Variants in ZNF30 observed in about 807,000 individuals in gnomAD.
ZNF30 encodes zinc finger protein 30 (KOX 28).
ZNF30 carries 15 observed loss-of-function variants against 13.2 expected under a neutral mutation model. The ratio of observed to expected loss-of-function variants is 1.13; its 90% CI spans 0.76 to 1.75. ZNF30 has a LOEUF of 1.75. ZNF30 is among the 40% of genes most tolerant of loss of function. The probability of loss-of-function intolerance (pLI) is 0.00; values close to 1 mark genes in which losing one functional copy is unlikely to be tolerated. For missense variants in ZNF30, 726 were observed against 757.0 expected, an observed-to-expected ratio of 0.96 and a Z score of 0.48; for synonymous variants, 223 against 256.6, an observed-to-expected ratio of 0.87 and a Z score of 1.25.
intron 4 of ZNF30, among the ~76,000 whole-genome samples, chr19:34,939,128 TCCCCTC>T (rs2012894034): frequency 1.5e-5 from 1 of 67,384 alleles, no homozygotes; most frequent in East Asian, 4.6e-4. Flanking sequence ...TTGTCTCCCC[TCCCCTC>T]CCCTCCCCTC....
Position 34,944,745 on chromosome 19 carries a change from G to T in ZNF30, c.1779G>T (p.Glu593Asp). The T allele has an allele frequency of 6.2e-7, 1 of 1,613,904 alleles. No homozygotes were observed. Among genetic ancestry groups the T allele is most frequent in the Non-Finnish European group, 8.5e-7 (1 of 1,179,864 alleles). ...LTEHQRVHTG[E>D]KPFKCKKCGK... The stretch of plus-strand genomic sequence containing the variant: ...AACATCAGCGGGTACACACTGGTGA[G>T]AAACCCTTTAAATGCAAAAAATGTG... The change falls in exon 5 of 5, where the codon GAG becomes GAT. Residue 593 changes from glutamate to aspartate, a missense_variant. Physicochemically the swap from Glu to Asp is conservative, Grantham distance 45. Coordinates refer to ENST00000601142, the MANE Select transcript of ZNF30 (RefSeq NM_194325.3).
intron 2 of ZNF30, among the ~76,000 whole-genome samples, chr19:34,930,944 T>C (rs1454627026): frequency 6.6e-6 from 1 of 152,072 alleles, no homozygotes; most frequent in Non-Finnish European, 1.5e-5. Flanking sequence ...TTATCAGTAG[T>C]AGATGAACAG....
rs774425863 is a variant in ZNF30 at position 34,929,955 on chromosome 19, A to T, written c.8A>T (p.His3Leu). 2.5e-6 allele frequency: 4 copies of T among 1,607,254 alleles called. No homozygotes were observed. Among genetic ancestry groups the T allele is most frequent in the Non-Finnish European group, 3.4e-6 (4 of 1,176,444 alleles). Reference sequence around the variant, plus strand: ...TCTTACAATTCTCAAAGCATGGCCCATGTAAGTTGGTGTTTCTTCTTGAAA... The same window carrying T: ...TCTTACAATTCTCAAAGCATGGCCCTTGTAAGTTGGTGTTTCTTCTTGAAA... The part of the protein sequence containing the change: MA[H>L]KYVGLQYHGS... The change falls in exon 2 of 5, where the codon CAT (histidine) becomes CTT (leucine). Residue 3 changes from histidine (H) to leucine (L), a missense_variant and splice_region_variant. Transcript: ENST00000601142.
chr19:34,929,110 G>A (rs1165212280), intron 1 of ZNF30, among the ~76,000 whole-genome samples: 2 of 152,132 alleles, frequency 1.3e-5, no homozygotes, highest in African/African-American at 2.4e-5. Context: ...GTGAAATTCC[G>A]TCTCTACTAA....
rs1290505474 is a variant in ZNF30, at chr19:34,944,522, A to G, written c.1556A>G (p.Lys519Arg). The change falls in exon 5 of 5, where the codon AAG becomes AGG. Residue 519 changes from lysine (K) to arginine (R), a missense_variant. Coordinates refer to ENST00000601142, the MANE Select transcript of ZNF30 (RefSeq NM_194325.3). The stretch of plus-strand genomic sequence containing the variant: ...CCCTATGAGTGTAAGGAGTGTGGCA[A>G]GGCCTTCAGTTCTGGCTCATACCTT... ...KKPYECKECGKAFSSGSYLVQ... is the reference protein window; with the variant it reads ...KKPYECKECGRAFSSGSYLVQ... The G allele has an allele frequency of 3.7e-6, 6 of 1,614,002 alleles. No homozygotes were observed. In the African/African-American group the frequency reaches 5.3e-5, roughly 14 times the overall value.
chr19:34,930,420 A>G (rs1176734303), intron 2 of ZNF30, among the ~76,000 whole-genome samples: 1 of 152,210 alleles, frequency 6.6e-6, no homozygotes, highest in Non-Finnish European at 1.5e-5. Flanking sequence ...GGATGTGATT[A>G]TGATGTGAAA....
At chr19:34,931,782 A>G (rs778477327) in intron 2 of ZNF30, 61 bp from the exon 3 acceptor site, 40 of 1,541,528 alleles carry the variant, frequency 2.6e-5, no homozygotes, top group Non-Finnish European at 3.5e-5. Flanking sequence ...CTCCCTTACT[A>G]CACTGAAACG....
chr19:34,939,133 TC>T (rs2012895330), intron 4 of ZNF30, among the ~76,000 whole-genome samples: 2 of 34,596 alleles, frequency 5.8e-5, no homozygotes, highest in Non-Finnish European at 1.0e-4. Flanking sequence ...TCCCCTCCCC[TC>T]CCCTCCCCTC....
At chr19:34,935,587 C>A (rs2012687518) in intron 4 of ZNF30, among the ~76,000 whole-genome samples, 1 of 152,090 alleles carries the variant, frequency 6.6e-6, no homozygotes, top group African/African-American at 2.4e-5. Context: ...CCTTTTCCTG[C>A]ACAGATGCCT....
chr19:34,943,504 A>G lies in ZNF30; in HGVS notation c.538A>G (p.Lys180Glu). The G allele has an allele frequency of 6.2e-7, 1 of 1,613,764 alleles. No individual in the cohort carries two copies. Among genetic ancestry groups the G allele is most frequent in the Non-Finnish European group, 8.5e-7 (1 of 1,179,788 alleles). ...TGGTGAGAAACCCTATAAATATGAA[A>G]AATGTGGGAAGGCCTTTATCAGTGG... is the stretch of plus-strand genomic sequence containing the variant. ...HVGEKPYKYE[K>E]CGKAFISGSA... is the part of the protein sequence containing the mutation. The change falls in exon 5 of 5, where the codon AAA becomes GAA. Residue 180 changes from lysine to glutamate, a missense_variant. By Grantham distance (56) the Lys-to-Glu change is moderately conservative (BLOSUM62 1). Transcript: ENST00000601142.
chr19:34,931,020 C>CT (rs905392469), intron 2 of ZNF30, among the ~76,000 whole-genome samples: 28 of 144,532 alleles, frequency 1.9e-4, no homozygotes, highest in African/African-American at 5.6e-4. Context: ...AAAATCATTA[C>CT]TTTTTTTTTT....
Position 34,928,220 on chromosome 19 carries a change from A to AATATAT in ZNF30, c.-65+1034_-65+1039dup, listed in dbSNP as rs374649415. Reference sequence around the variant, plus strand: ...GAGATCCCTTCTCTAAAAAAAAAAAAATATATATATATATATATATATATA... The same window carrying AATATAT: ...GAGATCCCTTCTCTAAAAAAAAAAAAATATATATATATATATATATATATATATATA... On this transcript the variant is annotated intron_variant, in intron 1 of 4. Coordinates refer to ENST00000601142, the MANE Select transcript of ZNF30 (RefSeq NM_194325.3). Among the ~76,000 whole-genome samples, 344 of 73,094 alleles carry AATATAT rather than the reference A, an allele frequency of 4.7e-3. 3 individuals carry two copies. The highest frequency in any genetic ancestry group is 9.6e-3 in the Middle Eastern group (1 of 104). 48.0% of individuals were successfully genotyped at this position (73,094 alleles called of 152,430 possible). A position where few individuals can be genotyped will look rare whatever the true frequency, so the allele number is the denominator to read the frequency against.
Position 34,943,920 on chromosome 19 carries a change from T to G in ZNF30, c.954T>G (p.Cys318Trp), listed in dbSNP as rs772714385. 80 of 1,614,014 alleles carry G rather than the reference T, an allele frequency of 5.0e-5. No individual in the cohort carries two copies. Among genetic ancestry groups the G allele is most frequent in the Non-Finnish European group, 6.6e-5 (78 of 1,179,990 alleles). The change falls in exon 5 of 5, where the codon TGT (cysteine) becomes TGG (tryptophan). Residue 318 changes from cysteine (C) to tryptophan (W), a missense_variant. Physicochemically the swap from Cys to Trp is radical, Grantham distance 215. Coordinates refer to ENST00000601142, the MANE Select transcript of ZNF30 (RefSeq NM_194325.3). ...RIHTGEKPYE[C>W]KECGKSFTVY... ...ATACTGGCGAGAAACCCTATGAATG[T>G]AAGGAGTGTGGGAAGTCCTTCACTG...
rs1467951100 is a variant in ZNF30, at chr19:34,944,184, C to T, written c.1218C>T (p.Gly406=). ...AGCCCTATGAATGTAAGGAGTGTGGCAAGGCCTTTAGTACTGGCTCATACC... is the reference window on the plus strand; with the variant it reads ...AGCCCTATGAATGTAAGGAGTGTGGTAAGGCCTTTAGTACTGGCTCATACC... ...GEKPYECKEC[G]KAFSTGSYLV... is the part of the protein sequence containing the mutation. The change falls in exon 5 of 5, where the codon GGC becomes GGT. Residue 406 remains glycine (G), a synonymous_variant. Transcript: ENST00000601142. 1 of 1,612,744 alleles carries T rather than the reference C, an allele frequency of 6.2e-7. No individual in the cohort carries two copies. The highest frequency in any genetic ancestry group is 8.5e-7 in the Non-Finnish European group (1 of 1,179,142).
chr19:34,928,242 T>A (rs1183181911), intron 1 of ZNF30, among the ~76,000 whole-genome samples: 3 of 64,744 alleles, frequency 4.6e-5, no homozygotes, highest in African/African-American at 1.1e-4. Flanking sequence ...TATATATATA[T>A]ATATATATAT....
In ZNF30 at chr19:34,943,234, G is replaced by A; in HGVS notation, c.268G>A (p.Glu90Lys). 6.5e-7 allele frequency: 1 copy of A among 1,535,148 alleles called. No homozygotes were observed. Among genetic ancestry groups the A allele is most frequent in the African/African-American group, 1.4e-5 (1 of 72,096 alleles). Residue 90 changes from glutamate (E) to lysine (K), a missense_variant, in exon 5 of 5, where the codon GAA becomes AAA. Coordinates refer to ENST00000601142, the MANE Select transcript of ZNF30 (RefSeq NM_194325.3). ...AAATTTTCTTTCAGATTTGCAGTTG[G>A]AAGATGATACAATCGGCTGTAAAGA... ...GRRWCTDLQL[E>K]DDTIGCKEMP...
At chr19:34,931,031 CT>C (rs892102659) in intron 2 of ZNF30, among the ~76,000 whole-genome samples, 4 of 140,326 alleles carry the variant, frequency 2.9e-5, no homozygotes, top group East Asian at 2.1e-4. Context: ...TTTTTTTTTT[CT>C]TTTTTTCTTT....
chr19:34,932,001 T>C lies in ZNF30; in HGVS notation c.160+8T>C. The C allele has an allele frequency of 6.4e-7, 1 of 1,564,806 alleles. No individual in the cohort carries two copies. Among genetic ancestry groups the C allele is most frequent in the South Asian group, 1.2e-5 (1 of 82,282 alleles). On this transcript the variant is annotated splice_region_variant and intron_variant, in intron 3 of 4. Coordinates refer to ENST00000601142, the MANE Select transcript of ZNF30 (RefSeq NM_194325.3). ...GGAACTTGGTGTCAATGGGTAAGTG[T>C]ACTTCTCTCAAATAATTGAGAATCT...
At chr19:34,939,139 CCCCTCCCCTCCCCT>C (rs1309405644) in intron 4 of ZNF30, among the ~76,000 whole-genome samples, 2 of 94,666 alleles carry the variant, frequency 2.1e-5, no homozygotes, top group African/African-American at 1.4e-4. Flanking sequence ...CCCCTCCCCT[CCCCTCCCCTCCCCT>C]CCCTCCCCTC....
Sources: gnomAD v4.1 joint callset for allele counts (sites outside exome capture counted in the v4.1 genomes callset) on GRCh38, gnomAD v4.1.1 for gene constraint, MANE v1.5 for transcripts, NCBI Gene and HGNC (gene_info 2026-07-23, HGNC 2026-07-21) for gene names.